MYO5C: variants seen among roughly 807,000 people sequenced by gnomAD.
The protein encoded by MYO5C is myosin VC.
In MYO5C, 194 loss-of-function variants were observed where a neutral mutation model predicts 235.7. The ratio of observed to expected loss-of-function variants is 0.82; its 90% CI spans 0.73 to 0.93. The LOEUF (loss-of-function observed/expected upper bound fraction) is 0.93. Among genes scored for constraint, MYO5C ranks in the 40% least tolerant of loss-of-function variants. MYO5C has a pLI of 0.00. For synonymous variants in MYO5C, 707 were observed against 754.8 expected (o/e 0.94, Z 1.04); for missense variants, 2,038 against 2,127.2 (o/e 0.96, Z 0.82).
At chr15:52,209,697 G>C (rs11632189) in intron 35 of MYO5C, among the ~76,000 whole-genome samples, 73,317 of 152,118 alleles carry the variant, frequency 0.48, 20,901 homozygotes, top group Non-Finnish European at 0.65. Context: ...CACAATGCCA[G>C]CTTGTCTTAA....
chr15:52,252,497 C>T (rs990831489), intron 12 of MYO5C, among the ~76,000 whole-genome samples: 7 of 151,682 alleles, frequency 4.6e-5, no homozygotes, highest in African/African-American at 9.7e-5. Context: ...AAAAATTGGC[C>T]GGGCGCAGTG....
At chr15:52,256,499 C>A (rs1304710958) in intron 11 of MYO5C, 140 bp downstream of exon 11, 2 of 605,014 alleles carry the variant, frequency 3.3e-6, no homozygotes, top group Non-Finnish European at 2.9e-6. Context: ...GTGCAGTGAC[C>A]CAGCGTGAGG....
intron 32 of MYO5C, among the ~76,000 whole-genome samples, chr15:52,217,575 C>T (rs908412430): frequency 6.6e-6 from 1 of 152,212 alleles, no homozygotes; most frequent in Non-Finnish European, 1.5e-5. Flanking sequence ...GGATTCCAGT[C>T]TCTGAGAAAG....
intron 32 of MYO5C, among the ~76,000 whole-genome samples, chr15:52,217,018 T>G (rs2141280774): frequency 6.6e-6 from 1 of 152,316 alleles, no homozygotes; most frequent in South Asian, 2.1e-4. Flanking sequence ...ACACCTTGAC[T>G]TCAGACTTCT....
intron 2 of MYO5C, among the ~76,000 whole-genome samples, chr15:52,280,208 C>T (rs1294093838): frequency 1.3e-5 from 2 of 152,162 alleles, no homozygotes; most frequent in African/African-American, 4.8e-5. Context: ...TAAAGGAGTC[C>T]ATGCAGGTGG....
Position 52,242,075 on chromosome 15 carries a change from T to C in MYO5C, c.2529A>G (p.Gly843=). The C allele has an allele frequency of 6.2e-7, 1 of 1,613,264 alleles. No individual in the cohort carries two copies. Among genetic ancestry groups the C allele is most frequent in the Non-Finnish European group, 8.5e-7 (1 of 1,179,618 alleles). Reference sequence around the variant, plus strand: ...TTCGATACCTCCTCCTTGCCAGGAATCCTCGGCTGTAGGCCTGCATTGTGA... The same window carrying C: ...TTCGATACCTCCTCCTTGCCAGGAACCCTCGGCTGTAGGCCTGCATTGTGA... ...ATITMQAYSR[G]FLARRRYRKM... The change falls in exon 20 of 41, where the codon GGA becomes GGG. Residue 843 remains glycine, a synonymous_variant. Coordinates refer to ENST00000261839, the MANE Select transcript of MYO5C (RefSeq NM_018728.4).
At chr15:52,240,844 C>T (rs945530123) in intron 20 of MYO5C, among the ~76,000 whole-genome samples, 5 of 152,182 alleles carry the variant, frequency 3.3e-5, no homozygotes, top group African/African-American at 9.7e-5. Flanking sequence ...CTTTGGACAA[C>T]TTTACTTTTT....
rs1438311898 is a variant in MYO5C at position 52,242,142 on chromosome 15, T to C, written c.2462A>G (p.Tyr821Cys). The change falls in exon 20 of 41, where the codon TAT becomes TGT. Residue 821 changes from tyrosine to cysteine, a missense_variant. Physicochemically the swap from Tyr to Cys is radical, Grantham distance 194. Transcript: ENST00000261839. ...AIIIQKHCRG[Y>C]LVRSLYQLIR... ...CAACTGATACAGGCTGCGAACAAGA[T>C]ACCCGCGGCAGTGCTTCTGAATGAT... 1 of 1,614,204 alleles carries C rather than the reference T, an allele frequency of 6.2e-7. No individual in the cohort carries two copies. The highest frequency in any genetic ancestry group is 1.1e-5 in the South Asian group (1 of 91,068).
intron 15 of MYO5C, among the ~76,000 whole-genome samples, chr15:52,247,250 T>C (rs1438260446): frequency 6.6e-6 from 1 of 152,218 alleles, no homozygotes; most frequent in African/African-American, 2.4e-5. Flanking sequence ...CATGTTATTG[T>C]GCAAGAGCGT....
chr15:52,248,448 A>G (rs1259393883), intron 14 of MYO5C, among the ~76,000 whole-genome samples: 2 of 152,122 alleles, frequency 1.3e-5, no homozygotes, highest in Non-Finnish European at 1.5e-5. Context: ...GTCTGGCTGG[A>G]ATTGTGATTC....
intron 24 of MYO5C, among the ~76,000 whole-genome samples, chr15:52,232,356 A>AG (rs2035984039): frequency 7.3e-6 from 1 of 137,550 alleles, no homozygotes; most frequent in South Asian, 2.5e-4. Context: ...GAAAGAAAGA[A>AG]AGGAAAAGAA....
chr15:52,239,108 C>T (rs988030382), intron 21 of MYO5C, among the ~76,000 whole-genome samples: 5 of 152,182 alleles, frequency 3.3e-5, no homozygotes, highest in Admixed American at 2.0e-4. Context: ...TGCATCACCA[C>T]GCCCGGCTAA....
chr15:52,280,983 T>G (rs2037151605), intron 2 of MYO5C, among the ~76,000 whole-genome samples: 1 of 152,228 alleles, frequency 6.6e-6, no homozygotes, highest in Non-Finnish European at 1.5e-5. Flanking sequence ...GGCCAGCTCC[T>G]GCTCCCCTGT....
chr15:52,279,288 T>C (rs2037115792), intron 3 of MYO5C, among the ~76,000 whole-genome samples: 1 of 152,148 alleles, frequency 6.6e-6, no homozygotes, highest in Non-Finnish European at 1.5e-5. Flanking sequence ...AAATAAGTAA[T>C]AAATGTATGA....
chr15:52,264,024 CT>C, intron 9 of MYO5C, among the ~76,000 whole-genome samples, 165 bp downstream of exon 9: 1 of 152,276 alleles, frequency 6.6e-6, no homozygotes, highest in South Asian at 2.1e-4. Context: ...GGAGGCTTTA[CT>C]CTTTGAAGGC....
intron 19 of MYO5C, chr15:52,242,837 C>T (rs935378784): frequency 2.0e-5 from 3 of 152,214 alleles, no homozygotes; most frequent in African/African-American, 7.2e-5. Context: ...TGTCTGTACA[C>T]AGTGAAGGCT....
chr15:52,286,461 C>T (rs868361804), intron 1 of MYO5C, among the ~76,000 whole-genome samples: 2 of 152,104 alleles, frequency 1.3e-5, no homozygotes, highest in African/African-American at 4.8e-5. Flanking sequence ...TCATTGAGAA[C>T]GGGCCATGAT....
chr15:52,248,737 A>G lies in MYO5C; in HGVS notation c.1709T>C (p.Val570Ala). ...CAGGATTTCAACCAGCATGTCATAG[A>G]CGGTGTCTCTGTTTTTCTCCAGGAA... ...EGFLEKNRDT[V>A]YDMLVEILRA... Residue 570 changes from valine to alanine, a missense_variant, in exon 14 of 41, where the codon GTC becomes GCC. Physicochemically the swap from Val to Ala is moderately conservative, Grantham distance 64. Transcript: ENST00000261839. 2 of 1,614,176 alleles carry G rather than the reference A, an allele frequency of 1.2e-6. No homozygotes were observed. Among genetic ancestry groups the G allele is most frequent in the Non-Finnish European group, 1.7e-6 (2 of 1,180,008 alleles).
At chr15:52,243,297 T>C (rs991930623) in intron 19 of MYO5C, 4 of 152,558 alleles carry the variant, frequency 2.6e-5, no homozygotes, top group African/African-American at 9.6e-5. Flanking sequence ...AGGCAGGTGA[T>C]GCCGTGAGCC....
Sources: allele counts gnomAD v4.1 joint callset (sites outside exome capture counted in the v4.1 genomes callset), GRCh38; gene constraint gnomAD v4.1.1; transcripts MANE v1.5; gene names NCBI Gene and HGNC (gene_info 2026-07-23, HGNC 2026-07-21).